Variants in VMP1 observed in about 807,000 individuals in gnomAD.
VMP1 encodes the protein ectopic P-granules autophagy protein 3 homolog.
In VMP1, 11 loss-of-function variants were observed where a neutral mutation model predicts 56.0. The observed-to-expected ratio is 0.20, with a 90% CI of 0.12 to 0.32. VMP1 has a LOEUF of 0.32. VMP1 is among the 10% of genes least tolerant of loss of function. The pLI, the probability that VMP1 is intolerant of heterozygous loss-of-function variation, is 1.00. For missense variants in VMP1, 296 were observed against 490.3 expected (o/e 0.60, Z 3.74); for synonymous variants, 149 against 165.0 (o/e 0.90, Z 0.74).
At chr17:59,772,229 A>G (rs2036452983) in intron 6 of VMP1, among the ~76,000 whole-genome samples, 1 of 151,686 alleles carries the variant, frequency 6.6e-6, no homozygotes, top group South Asian at 2.1e-4. Flanking sequence ...GAGCTCAGGC[A>G]GTTCACCCAC....
intron 7 of VMP1, among the ~76,000 whole-genome samples, chr17:59,797,640 G>T (rs2037491165): frequency 6.6e-6 from 1 of 152,140 alleles, no homozygotes; most frequent in Non-Finnish European, 1.5e-5. Flanking sequence ...ACTTTGAGAG[G>T]CCAAGGCAGG....
At chr17:59,787,898 C>T (rs1485469087) in intron 7 of VMP1, among the ~76,000 whole-genome samples, 1 of 151,982 alleles carries the variant, frequency 6.6e-6, no homozygotes, top group Non-Finnish European at 1.5e-5. Flanking sequence ...TTCTTTTATT[C>T]GGCTTACACT....
intron 7 of VMP1, among the ~76,000 whole-genome samples, chr17:59,786,041 C>A (rs966856226): frequency 6.6e-6 from 1 of 152,068 alleles, no homozygotes; most frequent in African/African-American, 2.4e-5. Flanking sequence ...TTAATAGGAT[C>A]TTTGTCCTAT....
At chr17:59,708,973 G>A (rs1230654073) in intron 1 of VMP1, among the ~76,000 whole-genome samples, 1 of 151,956 alleles carries the variant, frequency 6.6e-6, no homozygotes, top group African/African-American at 2.4e-5. Context: ...TTCCTTTGAG[G>A]GATATATCCT....
At chr17:59,770,655 T>C (rs941391624) in intron 6 of VMP1, among the ~76,000 whole-genome samples, 3 of 151,682 alleles carry the variant, frequency 2.0e-5, no homozygotes, top group African/African-American at 7.3e-5. Context: ...ACAATCTCAT[T>C]TCACTGCAAC....
At chr17:59,773,700 A>G in intron 6 of VMP1, 54 bp from the exon 7 acceptor site, 1 of 1,516,250 alleles carries the variant, frequency 6.6e-7, no homozygotes, top group Non-Finnish European at 8.9e-7. Flanking sequence ...TGATCTATTA[A>G]GTGTCACTGT....
chr17:59,734,952 T>C (rs903709575), intron 2 of VMP1, among the ~76,000 whole-genome samples: 9 of 147,682 alleles, frequency 6.1e-5, no homozygotes, highest in African/African-American at 2.2e-4. Flanking sequence ...CATTCTGTTA[T>C]CCAGGCTGGT....
chr17:59,763,739 C>T (rs2036139300), intron 5 of VMP1, among the ~76,000 whole-genome samples: 1 of 152,144 alleles, frequency 6.6e-6, no homozygotes, highest in Non-Finnish European at 1.5e-5. Flanking sequence ...CTTTCTTATA[C>T]ACAGAGCCCA....
chr17:59,823,949 A>C (rs372995878), intron 10 of VMP1, among the ~76,000 whole-genome samples: 4 of 152,160 alleles, frequency 2.6e-5, no homozygotes, highest in African/African-American at 9.7e-5. Flanking sequence ...ATTATGAGAT[A>C]ATAAGGCAAG....
intron 6 of VMP1, among the ~76,000 whole-genome samples, chr17:59,767,146 G>C (rs1382883231): frequency 6.6e-6 from 1 of 151,270 alleles, no homozygotes; most frequent in Non-Finnish European, 1.5e-5. Flanking sequence ...TAACTCATTG[G>C]GATTTGTTAT....
At chr17:59,781,474 A>G (rs1355466283) in intron 7 of VMP1, among the ~76,000 whole-genome samples, 1 of 152,204 alleles carries the variant, frequency 6.6e-6, no homozygotes. Flanking sequence ...TATCATAGAC[A>G]TGTGATACCA....
chr17:59,812,431 G>A (rs1184660760), intron 9 of VMP1, among the ~76,000 whole-genome samples: 1 of 152,180 alleles, frequency 6.6e-6, no homozygotes, highest in Non-Finnish European at 1.5e-5. Flanking sequence ...GTGTGCATGT[G>A]TATGTGTGTG....
intron 8 of VMP1, among the ~76,000 whole-genome samples, chr17:59,810,333 T>A (rs946407406): frequency 2.0e-5 from 3 of 152,028 alleles, no homozygotes; most frequent in African/African-American, 7.2e-5. Flanking sequence ...TTTGTATTTT[T>A]AGTAGAGACA....
chr17:59,767,271 G>A (rs2144000807), intron 6 of VMP1, among the ~76,000 whole-genome samples: 1 of 152,216 alleles, frequency 6.6e-6, no homozygotes, highest in East Asian at 1.9e-4. Context: ...CTCAGGAGAA[G>A]CAGAGTTTTG....
intron 7 of VMP1, among the ~76,000 whole-genome samples, chr17:59,789,725 C>T (rs1421604107): frequency 1.3e-5 from 2 of 151,926 alleles, no homozygotes; most frequent in African/African-American, 4.8e-5. Context: ...TTTCCTATTG[C>T]AAAGGTGCCT....
At chr17:59,752,309 A>C (rs1463521590) in intron 5 of VMP1, among the ~76,000 whole-genome samples, 4 of 152,294 alleles carry the variant, frequency 2.6e-5, no homozygotes. Flanking sequence ...TGCAGTTTGT[A>C]GTTTGTTAAC....
chr17:59,760,354 GTTTTGAAATATATTT>G (rs991422207), intron 5 of VMP1, among the ~76,000 whole-genome samples: 3 of 151,856 alleles, frequency 2.0e-5, no homozygotes, highest in African/African-American at 4.8e-5. Context: ...CCACAGTACT[GTTTTGAAATATATTT>G]TTTTGAAATA....
chr17:59,801,110 ATATGTG>A lies in VMP1; in HGVS notation c.715-7684_715-7679del, dbSNP rs1443502421. Among the ~76,000 whole-genome samples the A allele has an allele frequency of 4.6e-3, 506 of 109,682 alleles. 7 individuals are homozygous for A. Among genetic ancestry groups the A allele is most frequent in the African/African-American group, 0.022 (478 of 22,192 alleles). 72.0% of individuals were successfully genotyped at this position (109,682 alleles called of 152,430 possible). On this transcript the variant is annotated intron_variant, in intron 7 of 11. Transcript: ENST00000262291. ...AAAAAAAATATATATATATATATATATATGTGTGTGTGTGTGTGTGTGTGTGTGTGT... is the reference window on the plus strand; with the variant it reads ...AAAAAAAATATATATATATATATATATGTGTGTGTGTGTGTGTGTGTGTGT...
At chr17:59,743,573 T>G (rs964701837) in intron 5 of VMP1, among the ~76,000 whole-genome samples, 1 of 150,016 alleles carries the variant, frequency 6.7e-6, no homozygotes, top group Non-Finnish European at 1.5e-5. Flanking sequence ...TCTCTCTCTC[T>G]CTCTCTCTAT....
Sources: gnomAD v4.1 joint callset for allele counts (sites outside exome capture counted in the v4.1 genomes callset) on GRCh38, gnomAD v4.1.1 for gene constraint, MANE v1.5 for transcripts, NCBI Gene and HGNC (gene_info 2026-07-23, HGNC 2026-07-21) for gene names.